The following OTUB2 variants were observed in gnomAD, a reference collection of about 807,000 sequenced individuals.
OTUB2 encodes the protein OTU deubiquitinase, ubiquitin aldehyde binding 2, also known as ubiquitin thioesterase OTUB2.
In OTUB2, 21 loss-of-function variants were observed where a neutral mutation model predicts 25.1. That is an observed-to-expected ratio of 0.84 (90% CI 0.59 to 1.21). OTUB2 has a LOEUF of 1.21. Ranked by LOEUF, OTUB2 falls within the 50% of genes most tolerant of loss-of-function variation. OTUB2 has a pLI of 0.00. For synonymous variants in OTUB2, 122 were observed against 122.8 expected (o/e 0.99, Z 0.04); for missense variants, 283 against 298.0 (o/e 0.95, Z 0.37).
Position 94,045,741 on chromosome 14 carries a change from G to A in OTUB2, c.524G>A (p.Cys175Tyr), listed in dbSNP as rs141190833. ...GAAGTAGAGCCCATGGCCACGGAGT[G>A]TGACCACATCCAGATCACGGCGTTG... Reference protein sequence around the residue: ...THEVEPMATECDHIQITALSQ... With the variant: ...THEVEPMATEYDHIQITALSQ... Residue 175 changes from cysteine (C) to tyrosine (Y), a missense_variant, in exon 6 of 6, where the codon TGT becomes TAT. Cys to Tyr is a radical substitution (Grantham distance 194). Coordinates refer to ENST00000203664, the MANE Select transcript of OTUB2 (RefSeq NM_023112.4). The A allele has an allele frequency of 5.6e-6, 9 of 1,614,082 alleles. No homozygotes were observed. In the African/African-American group the frequency reaches 1.1e-4, roughly 19 times the overall value.
rs964321928 is a variant in OTUB2, at chr14:94,047,576, A to G, written c.*1654A>G. On this transcript the variant is annotated 3_prime_UTR_variant, in exon 6 of 6. Coordinates refer to ENST00000203664, the MANE Select transcript of OTUB2 (RefSeq NM_023112.4). ...AGTACACTGGAAGCGTGGGGGGAAC[A>G]CATGACATGATTTGTGAATATCATC... 2.0e-5 allele frequency: 3 copies of G among 152,264 alleles called. No homozygotes were observed. Among genetic ancestry groups the G allele is most frequent in the Non-Finnish European group, 1.5e-5 (1 of 68,050 alleles). 9.4% of individuals were successfully genotyped at this position (152,264 alleles called of 1,614,324 possible). A position where few individuals can be genotyped will look rare whatever the true frequency, so the allele number is the denominator to read the frequency against.
In OTUB2 at chr14:94,044,710, T is replaced by A; in HGVS notation, c.428T>A (p.Ile143Asn). ...QFLRLLTSAF[I>N]RNRADFFRHF... ...CTGCGCCTGCTCACGTCGGCCTTCATCAGGAACCGAGCAGACTTCTTCCGG... is the reference window on the plus strand; with the variant it reads ...CTGCGCCTGCTCACGTCGGCCTTCAACAGGAACCGAGCAGACTTCTTCCGG... Residue 143 changes from isoleucine (I) to asparagine (N), a missense_variant, in exon 5 of 6, where the codon ATC (isoleucine) becomes AAC (asparagine). Transcript: ENST00000203664. The A allele has an allele frequency of 6.2e-7, 1 of 1,614,094 alleles. No individual in the cohort carries two copies. Among genetic ancestry groups the A allele is most frequent in the South Asian group, 1.1e-5 (1 of 91,084 alleles).
At chr14:94,045,612 AG>A (rs777439375) in intron 5 of OTUB2, 103 bp from the exon 6 acceptor site, 94 of 1,151,316 alleles carry the variant, frequency 8.2e-5, no homozygotes, top group Non-Finnish European at 1.1e-4. Flanking sequence ...ATGACGTCCC[AG>A]CACAGAGGCT....
chr14:94,029,193 A>G (rs1001901701), intron 1 of OTUB2, among the ~76,000 whole-genome samples: 3 of 152,214 alleles, frequency 2.0e-5, no homozygotes, highest in African/African-American at 7.2e-5. Flanking sequence ...CTCTCTGACG[A>G]TGAAGTGGAC....
In OTUB2 at chr14:94,045,884, T is replaced by G; in HGVS notation, c.667T>G (p.Ser223Ala). 2 of 1,614,208 alleles carry G rather than the reference T, an allele frequency of 1.2e-6. No homozygotes were observed. The highest frequency in any genetic ancestry group is 1.7e-6 in the Non-Finnish European group (2 of 1,180,030). ...TTCCGTTTACCTGCTCTATAAAACA[T>G]CCCACTACAACATCCTTTATGCAGC... ...TPSVYLLYKT[S>A]HYNILYAADK... The change falls in exon 6 of 6, where the codon TCC (serine) becomes GCC (alanine). Residue 223 changes from serine (S) to alanine (A), a missense_variant. Physicochemically the swap from Ser to Ala is moderately conservative, Grantham distance 99. Transcript: ENST00000203664.
chr14:94,045,886 C>T lies in OTUB2; in HGVS notation c.669C>T (p.Ser223=), dbSNP rs1419401429. The T allele has an allele frequency of 6.2e-7, 1 of 1,614,124 alleles. No homozygotes were observed. The highest frequency in any genetic ancestry group is 8.5e-7 in the Non-Finnish European group (1 of 1,180,052). The change falls in exon 6 of 6, where the codon TCC becomes TCT. Residue 223 remains serine, a synonymous_variant. Transcript: ENST00000203664. The part of the protein sequence containing the change: ...TPSVYLLYKT[S]HYNILYAADK... ...CCGTTTACCTGCTCTATAAAACATC[C>T]CACTACAACATCCTTTATGCAGCCG...
chr14:94,039,619 A>G (rs1885121647), intron 3 of OTUB2, among the ~76,000 whole-genome samples: 1 of 151,438 alleles, frequency 6.6e-6, no homozygotes, highest in Non-Finnish European at 1.5e-5. Context: ...GCAAGAAAAA[A>G]AAAAGCAAAG....
chr14:94,036,578 T>C lies in OTUB2; in HGVS notation c.4-802T>C, dbSNP rs1320088261. Among the ~76,000 whole-genome samples, 5 of 152,106 alleles carry C rather than the reference T, an allele frequency of 3.3e-5. No individual in the cohort carries two copies. In the South Asian group the frequency reaches 6.2e-4, roughly 19 times the overall value. On this transcript the variant is annotated intron_variant, in intron 1 of 5. Coordinates refer to ENST00000203664, the MANE Select transcript of OTUB2 (RefSeq NM_023112.4). ...ACGGGGAGTTGGCTGCTAGAACGTG[T>C]CTCCTGCAGTTTCCTTCACCCTGAA...
chr14:94,045,589 G>C (rs1352018106), intron 5 of OTUB2, 127 bp from the exon 6 acceptor site: 6 of 876,094 alleles, frequency 6.8e-6, no homozygotes, highest in Non-Finnish European at 1.1e-5. Flanking sequence ...CCAACTCATG[G>C]GATGTTGTGA....
In OTUB2 at chr14:94,046,069, T is replaced by C. The variant is rs8021300; in HGVS notation, c.*147T>C. 381,683 of 806,880 alleles carry C rather than the reference T, an allele frequency of 0.47. 96,285 individuals carry two copies. The highest frequency in any genetic ancestry group is 0.87 in the African/African-American group (50,957 of 58,558). The allele number at this position is 806,880 out of a possible 1,614,324, so 50.0% of individuals were successfully genotyped here. A position where few individuals can be genotyped will look rare whatever the true frequency, so the allele number is the denominator to read the frequency against. ...GCAAAGCCCCTGGGAACGAGGCCTA[T>C]CCACTATGGACTATGGTAACTTGGT... On this transcript the variant is annotated 3_prime_UTR_variant, in exon 6 of 6. Transcript: ENST00000203664.
intron 3 of OTUB2, 63 bp from the exon 4 acceptor site, chr14:94,043,908 A>C (rs1885209716): frequency 1.5e-5 from 22 of 1,472,168 alleles, no homozygotes; most frequent in Non-Finnish European, 1.7e-5. Flanking sequence ...GGGGACGCAC[A>C]GTTGCCAATC....
intron 1 of OTUB2, 124 bp from the exon 2 acceptor site, chr14:94,037,256 T>C: frequency 1.7e-6 from 1 of 588,796 alleles, no homozygotes; most frequent in Non-Finnish European, 3.0e-6. Context: ...ACTCCCAGCA[T>C]GAGAAGGTGG....
chr14:94,038,785 G>A (rs1318273041), intron 2 of OTUB2, among the ~76,000 whole-genome samples, 178 bp from the exon 3 acceptor site: 1 of 152,208 alleles, frequency 6.6e-6, no homozygotes, highest in Non-Finnish European at 1.5e-5. Context: ...ACAGGACAAT[G>A]CAGTGTATTT....
In OTUB2 at chr14:94,038,988, T is replaced by A; in HGVS notation, c.125T>A (p.Ile42Asn). 1 of 1,614,170 alleles carries A rather than the reference T, an allele frequency of 6.2e-7. No homozygotes were observed. Among genetic ancestry groups the A allele is most frequent in the African/African-American group, 1.3e-5 (1 of 75,042 alleles). ...IEELSKRFTA[I>N]RKTKGDGNCF... ...GAACTCAGCAAAAGGTTCACCGCCA[T>A]CCGCAAGACCAAAGGGGATGGGAAC... Residue 42 changes from isoleucine (I) to asparagine (N), a missense_variant, in exon 3 of 6, where the codon ATC (isoleucine) becomes AAC (asparagine). Coordinates refer to ENST00000203664, the MANE Select transcript of OTUB2 (RefSeq NM_023112.4).
rs1885109646 is a variant in OTUB2 at position 94,038,993 on chromosome 14, A to G, written c.130A>G (p.Lys44Glu). ...ELSKRFTAIR[K>E]TKGDGNCFYR... ...CAGCAAAAGGTTCACCGCCATCCGC[A>G]AGACCAAAGGGGATGGGAACTGCTT... The change falls in exon 3 of 6, where the codon AAG becomes GAG. Residue 44 changes from lysine to glutamate, a missense_variant. Lys to Glu is a moderately conservative substitution (Grantham distance 56). Transcript: ENST00000203664. 1.2e-6 allele frequency: 2 copies of G among 1,614,088 alleles called. No homozygotes were observed. Among genetic ancestry groups the G allele is most frequent in the Non-Finnish European group, 1.7e-6 (2 of 1,180,046 alleles).
chr14:94,041,912 G>A (rs1159400641), intron 3 of OTUB2, among the ~76,000 whole-genome samples: 1 of 138,624 alleles, frequency 7.2e-6, no homozygotes, highest in Non-Finnish European at 1.5e-5. Context: ...TGATTGACTC[G>A]TGAGCACTTG....
chr14:94,029,902 G>A (rs1884928253), intron 1 of OTUB2, among the ~76,000 whole-genome samples: 1 of 152,230 alleles, frequency 6.6e-6, no homozygotes, highest in Non-Finnish European at 1.5e-5. Context: ...GGTGGGGCAT[G>A]GGAAGGCCTC....
chr14:94,027,210 G>A (rs1471734504), intron 1 of OTUB2, among the ~76,000 whole-genome samples: 1 of 152,250 alleles, frequency 6.6e-6, no homozygotes, highest in Non-Finnish European at 1.5e-5. Flanking sequence ...CTGGGCTTGG[G>A]CAGGTGGGGA....
intron 1 of OTUB2, among the ~76,000 whole-genome samples, chr14:94,036,597 C>T (rs1376468271): frequency 6.6e-6 from 1 of 152,146 alleles, no homozygotes; most frequent in Non-Finnish European, 1.5e-5. Context: ...GTTTCCTTCA[C>T]CCTGAAGCTT....
Sources: gnomAD v4.1 joint callset for allele counts (sites outside exome capture counted in the v4.1 genomes callset) on GRCh38, gnomAD v4.1.1 for gene constraint, MANE v1.5 for transcripts, NCBI Gene and HGNC (gene_info 2026-07-23, HGNC 2026-07-21) for gene names.